The following RMND1 variants were observed in gnomAD, a reference collection of about 807,000 sequenced individuals.
RMND1 encodes the protein required for meiotic nuclear division protein 1 homolog.
RMND1 carries 41 observed loss-of-function variants against 54.0 expected under a neutral mutation model. The observed-to-expected ratio is 0.76, with a 90% CI of 0.59 to 0.98. The LOEUF (loss-of-function observed/expected upper bound fraction) is 0.98. RMND1 is among the 50% of genes least tolerant of loss of function. RMND1 has a pLI of 0.00. For synonymous variants in RMND1, 183 were observed against 181.7 expected (o/e 1.01, Z -0.06); for missense variants, 457 against 532.0 (o/e 0.86, Z 1.39).
chr6:151,447,430 C>T (rs1780989000), intron 1 of RMND1, among the ~76,000 whole-genome samples: 1 of 152,184 alleles, frequency 6.6e-6, no homozygotes, highest in South Asian at 2.1e-4. Flanking sequence ...ATAATGATCC[C>T]ATTTCACTGA....
intron 3 of RMND1, 61 bp from the exon 4 acceptor site, chr6:151,433,291 A>G: frequency 1.0e-6 from 1 of 1,003,292 alleles, no homozygotes. Flanking sequence ...TGTAAGAGTC[A>G]CCTATAAACA....
intron 2 of RMND1, among the ~76,000 whole-genome samples, chr6:151,437,848 A>G (rs943657650): frequency 1.3e-5 from 2 of 152,218 alleles, no homozygotes; most frequent in Non-Finnish European, 2.9e-5. Flanking sequence ...AGGTAGAGGA[A>G]TAACAGAGAA....
At chr6:151,427,661 C>G in intron 5 of RMND1, 79 bp from the exon 6 acceptor site, 1 of 885,240 alleles carries the variant, frequency 1.1e-6, no homozygotes, top group Non-Finnish European at 1.8e-6. Flanking sequence ...ATGCTTATAA[C>G]AGTCTTCATT....
Position 151,445,298 on chromosome 6 carries a change from C to G in RMND1, c.504+10G>C. 6.3e-7 allele frequency: 1 copy of G among 1,597,536 alleles called. No individual in the cohort carries two copies. Among genetic ancestry groups the G allele is most frequent in the South Asian group, 1.1e-5 (1 of 89,134 alleles). The stretch of plus-strand genomic sequence containing the variant: ...ACTAAGCACGAGAGCCACGGCCACC[C>G]CTACTTTACCTCGTTCACAGACAGA... On this transcript the variant is annotated intron_variant, in intron 2 of 11. Coordinates refer to ENST00000444024, the MANE Select transcript of RMND1 (RefSeq NM_017909.4).
At chr6:151,448,600 C>G (rs1374781796) in intron 1 of RMND1, among the ~76,000 whole-genome samples, 1 of 152,184 alleles carries the variant, frequency 6.6e-6, no homozygotes, top group African/African-American at 2.4e-5. Flanking sequence ...GACCACTGCT[C>G]ATCATCAGTA....
At chr6:151,437,351 T>TA (rs1780643263) in intron 2 of RMND1, among the ~76,000 whole-genome samples, 1 of 152,258 alleles carries the variant, frequency 6.6e-6, no homozygotes, top group Non-Finnish European at 1.5e-5. Context: ...TGTATCTATG[T>TA]ATCTACTCTA....
chr6:151,413,479 A>T (rs1029224241), intron 10 of RMND1, among the ~76,000 whole-genome samples: 2 of 152,116 alleles, frequency 1.3e-5, no homozygotes, highest in Non-Finnish European at 2.9e-5. Context: ...GCCTCATGTG[A>T]CCTGCCTGCC....
At chr6:151,408,296 A>G (rs113105387) in intron 10 of RMND1, among the ~76,000 whole-genome samples, 3 of 152,274 alleles carry the variant, frequency 2.0e-5, no homozygotes, top group African/African-American at 7.2e-5. Flanking sequence ...GTTTAAGACC[A>G]GCATGGCCAA....
At chr6:151,430,080 A>C in intron 5 of RMND1, 58 bp downstream of exon 5, 1 of 1,108,678 alleles carries the variant, frequency 9.0e-7, no homozygotes, top group Non-Finnish European at 1.4e-6. Flanking sequence ...TGTGCTAATT[A>C]ACAATTCATT....
intron 3 of RMND1, among the ~76,000 whole-genome samples, chr6:151,433,832 T>C (rs1174938566): frequency 6.6e-6 from 1 of 150,806 alleles, no homozygotes; most frequent in Admixed American, 6.7e-5. Flanking sequence ...AAAGTTTTTT[T>C]TTTGTTTGTT....
intron 4 of RMND1, 99 bp from the exon 5 acceptor site, chr6:151,430,276 G>A (rs1367084505): frequency 1.0e-5 from 8 of 794,456 alleles, no homozygotes; most frequent in Admixed American, 4.6e-5. Flanking sequence ...TATACAGGAT[G>A]CGATTTTTCA....
At chr6:151,426,098 G>A (rs941745723) in intron 6 of RMND1, among the ~76,000 whole-genome samples, 2 of 151,848 alleles carry the variant, frequency 1.3e-5, no homozygotes, top group Non-Finnish European at 2.9e-5. Context: ...ACAGACACTC[G>A]CCACTATGCC....
chr6:151,421,032 CT>C, intron 9 of RMND1: 1 of 442,328 alleles, frequency 2.3e-6, no homozygotes. Flanking sequence ...ATCGTGATCT[CT>C]TTTGCACATG....
Position 151,445,534 on chromosome 6 carries a change from G to A in RMND1, c.278C>T (p.Ala93Val). ...LNAARCQDEKAHLPTMKSFGT... is the reference protein window; with the variant it reads ...LNAARCQDEKVHLPTMKSFGT... Reference sequence around the variant, plus strand: ...AAAGGATTTCATGGTTGGAAGGTGTGCCTTTTCATCTTGGCAACGAGCAGC... The same window carrying A: ...AAAGGATTTCATGGTTGGAAGGTGTACCTTTTCATCTTGGCAACGAGCAGC... The change falls in exon 2 of 12, where the codon GCA becomes GTA. Residue 93 changes from alanine to valine, a missense_variant. By Grantham distance (64) the Ala-to-Val change is moderately conservative. Coordinates refer to ENST00000444024, the MANE Select transcript of RMND1 (RefSeq NM_017909.4). 6.2e-7 allele frequency: 1 copy of A among 1,614,228 alleles called. No homozygotes were observed. The highest frequency in any genetic ancestry group is 1.3e-5 in the African/African-American group (1 of 75,056).
chr6:151,419,991 A>G (rs6938646), intron 9 of RMND1, among the ~76,000 whole-genome samples: 17,842 of 152,170 alleles, frequency 0.12, 1,079 homozygotes, highest in Middle Eastern at 0.18. Context: ...TTTTAATCTA[A>G]TATTATCTGC....
intron 6 of RMND1, among the ~76,000 whole-genome samples, chr6:151,425,944 C>A (rs1024802467): frequency 7.6e-6 from 1 of 130,802 alleles, no homozygotes; most frequent in Non-Finnish European, 1.5e-5. Context: ...CTGCTTTTAA[C>A]GCTTTTTTTT....
chr6:151,418,493 G>A (rs1582948381), intron 9 of RMND1: 2 of 152,076 alleles, frequency 1.3e-5, no homozygotes, highest in South Asian at 4.2e-4. Flanking sequence ...GTCTTCATAT[G>A]TCACCCAGTT....
At chr6:151,405,349 G>T in intron 11 of RMND1, 82 bp from the exon 12 acceptor site, 1 of 1,299,390 alleles carries the variant, frequency 7.7e-7, no homozygotes, top group South Asian at 1.2e-5. Context: ...TGTGATTAAT[G>T]AGAAATGCTC....
intron 9 of RMND1, among the ~76,000 whole-genome samples, chr6:151,418,048 T>A (rs140778297): frequency 7.0e-4 from 106 of 152,164 alleles, no homozygotes; most frequent in African/African-American, 2.4e-3. Context: ...TCACGTGATC[T>A]GCCTACCTCA....
Sources: gnomAD v4.1 joint callset for allele counts (sites outside exome capture counted in the v4.1 genomes callset) on GRCh38, gnomAD v4.1.1 for gene constraint, MANE v1.5 for transcripts, NCBI Gene and HGNC (gene_info 2026-07-23, HGNC 2026-07-21) for gene names.